INSYN2B: variants seen among roughly 807,000 people sequenced by gnomAD.
INSYN2B encodes inhibitory synaptic factor family member 2B, also known as protein INSYN2B.
In INSYN2B, 16 loss-of-function variants were observed where a neutral mutation model predicts 41.2. The ratio of observed to expected loss-of-function variants is 0.39; its 90% confidence interval spans 0.26 to 0.59. The LOEUF is 0.59. Ranked by LOEUF, INSYN2B falls within the 20% of genes least tolerant of loss-of-function variation. INSYN2B has a pLI of 0.57. For missense variants in INSYN2B, 608 were observed against 646.4 expected (o/e 0.94, Z 0.64); for synonymous variants, 245 against 244.4 (o/e 1.00, Z -0.02).
intron 1 of INSYN2B, among the ~76,000 whole-genome samples, chr5:169,939,164 A>T (rs1776126533): frequency 6.6e-6 from 1 of 151,444 alleles, no homozygotes; most frequent in Admixed American, 6.6e-5. Context: ...TCAGCCTCCC[A>T]AAGTGCTGGG....
intron 1 of INSYN2B, among the ~76,000 whole-genome samples, chr5:169,974,047 G>T (rs989058505): frequency 6.6e-6 from 1 of 152,144 alleles, no homozygotes; most frequent in African/African-American, 2.4e-5. Flanking sequence ...GACTTTTGAG[G>T]TATGGCTTAA....
intron 1 of INSYN2B, among the ~76,000 whole-genome samples, chr5:169,886,067 G>A (rs757247404): frequency 2.0e-5 from 3 of 152,124 alleles, no homozygotes; most frequent in Non-Finnish European, 4.4e-5. Context: ...CTAAGAACAA[G>A]GGTAAAAGAC....
At chr5:169,906,789 G>C (rs1440953304) in intron 1 of INSYN2B, among the ~76,000 whole-genome samples, 1 of 152,204 alleles carries the variant, frequency 6.6e-6, no homozygotes, top group Non-Finnish European at 1.5e-5. Flanking sequence ...GAATTGAAGG[G>C]TGGTTCTGGT....
intron 1 of INSYN2B, among the ~76,000 whole-genome samples, chr5:169,913,948 A>G (rs1459234956): frequency 6.6e-6 from 1 of 152,238 alleles, no homozygotes; most frequent in Non-Finnish European, 1.5e-5. Flanking sequence ...CCATTTCTAC[A>G]GATGAAGAAA....
At chr5:169,924,967 T>C (rs73800239) in intron 1 of INSYN2B, among the ~76,000 whole-genome samples, 3,708 of 152,292 alleles carry the variant, frequency 0.024, 136 homozygotes, top group African/African-American at 0.083. Context: ...CTGGGGATGT[T>C]CCAATCTTGT....
chr5:169,962,179 C>T (rs1777115319), intron 1 of INSYN2B, among the ~76,000 whole-genome samples: 1 of 151,868 alleles, frequency 6.6e-6, no homozygotes, highest in South Asian at 2.1e-4. Flanking sequence ...TCTGGTTGCT[C>T]CCTGGAGGGG....
chr5:169,943,811 C>T (rs79629794), intron 1 of INSYN2B, among the ~76,000 whole-genome samples: 1 of 152,140 alleles, frequency 6.6e-6, no homozygotes, highest in South Asian at 2.1e-4. Flanking sequence ...TTAGCCAGCC[C>T]CCAAGGTGAC....
At chr5:169,904,244 C>T (rs1263628324) in intron 1 of INSYN2B, among the ~76,000 whole-genome samples, 1 of 152,154 alleles carries the variant, frequency 6.6e-6, no homozygotes, top group Non-Finnish European at 1.5e-5. Context: ...GACAGTACTG[C>T]TTGGCTTCAA....
chr5:169,980,115 T>A (rs555944970), intron 1 of INSYN2B, among the ~76,000 whole-genome samples, 162 bp downstream of exon 1: 1 of 152,182 alleles, frequency 6.6e-6, no homozygotes, highest in South Asian at 2.1e-4. Flanking sequence ...CTGACAATGG[T>A]GGATTTTCCA....
chr5:169,915,698 T>C (rs1447809938), intron 1 of INSYN2B, among the ~76,000 whole-genome samples: 1 of 152,090 alleles, frequency 6.6e-6, no homozygotes, highest in Non-Finnish European at 1.5e-5. Flanking sequence ...TTTCAACATT[T>C]AAAGGCAATT....
intron 1 of INSYN2B, among the ~76,000 whole-genome samples, chr5:169,963,221 G>A (rs542848421): frequency 2.0e-5 from 3 of 152,298 alleles, no homozygotes; most frequent in South Asian, 4.2e-4. Context: ...TGGTCCACGT[G>A]GGGTGGGTAT....
chr5:169,949,678 A>G (rs1198977288), intron 1 of INSYN2B, among the ~76,000 whole-genome samples: 1 of 142,754 alleles, frequency 7.0e-6, no homozygotes, highest in Non-Finnish European at 1.5e-5. Context: ...AGCATGTTCA[A>G]TGTGATCTTT....
chr5:169,928,400 CA>C (rs1303413356), intron 1 of INSYN2B, among the ~76,000 whole-genome samples: 1 of 152,248 alleles, frequency 6.6e-6, no homozygotes, highest in African/African-American at 2.4e-5. Context: ...TGCTCTGCCC[CA>C]GAATGCCCCG....
Position 169,892,560 on chromosome 5 carries a change from T to A in INSYN2B, c.-918-7744A>T, listed in dbSNP as rs947243787. The stretch of plus-strand genomic sequence containing the variant: ...CTAGTGGAGAAGACAGGCTTTCTGA[T>A]CCCAGAGGCCTCTCCGATGGATGGG... On this transcript the variant is annotated intron_variant, in intron 1 of 3. Transcript: ENST00000377365. Among the ~76,000 whole-genome samples, 3 of 152,322 alleles carry A rather than the reference T, an allele frequency of 2.0e-5. No individual in the cohort carries two copies. The South Asian group carries it at 6.2e-4, about 32-fold the overall frequency.
intron 1 of INSYN2B, among the ~76,000 whole-genome samples, chr5:169,926,144 A>C (rs1775440543): frequency 6.6e-6 from 1 of 152,108 alleles, no homozygotes. Flanking sequence ...AGTCAGGCCA[A>C]AGGGATCCAG....
intron 1 of INSYN2B, among the ~76,000 whole-genome samples, chr5:169,920,618 G>T (rs543163495): frequency 4.3e-4 from 65 of 152,224 alleles, no homozygotes; most frequent in Non-Finnish European, 7.9e-4. Context: ...CTCAGCTCAA[G>T]AATTCCACTG....
intron 1 of INSYN2B, among the ~76,000 whole-genome samples, chr5:169,934,286 GACTTC>G (rs1775887848): frequency 6.6e-6 from 1 of 152,196 alleles, no homozygotes; most frequent in East Asian, 1.9e-4. Context: ...TACCCGGGAA[GACTTC>G]TCTGATTTCC....
At chr5:169,958,292 A>G (rs1028492727) in intron 1 of INSYN2B, among the ~76,000 whole-genome samples, 15 of 152,164 alleles carry the variant, frequency 9.9e-5, no homozygotes, top group African/African-American at 3.4e-4. Context: ...AAGCTTATGA[A>G]TCTATTAGAT....
intron 3 of INSYN2B, among the ~76,000 whole-genome samples, chr5:169,870,537 T>C (rs1303876875): frequency 6.6e-6 from 1 of 152,182 alleles, no homozygotes; most frequent in Admixed American, 6.5e-5. Context: ...TATATAACTT[T>C]TGAATTTGCA....
Sources: allele counts gnomAD v4.1 joint callset (sites outside exome capture counted in the v4.1 genomes callset), GRCh38; gene constraint gnomAD v4.1.1; transcripts MANE v1.5; gene names NCBI Gene and HGNC (gene_info 2026-07-23, HGNC 2026-07-21).